QSOX1: variants seen among roughly 807,000 people sequenced by gnomAD.
QSOX1 encodes sulfhydryl oxidase 1.
A neutral mutation model predicts 76.1 loss-of-function variants in QSOX1; 40 were observed. That is an observed-to-expected ratio of 0.53 (90% CI 0.41 to 0.68). The LOEUF is 0.68. QSOX1 is among the 30% of genes least tolerant of loss of function. QSOX1 has a pLI of 0.00. For missense variants in QSOX1, 931 were observed against 974.3 expected (o/e 0.96, Z 0.59); for synonymous variants, 392 against 413.1 (o/e 0.95, Z 0.62).
intron 1 of QSOX1, among the ~76,000 whole-genome samples, chr1:180,160,410 C>G (rs77968709): frequency 6.6e-6 from 1 of 151,216 alleles, no homozygotes; most frequent in African/African-American, 2.4e-5. Context: ...GAAGTGAGAA[C>G]ACATGGGTCT....
chr1:180,175,947 G>A lies in QSOX1; in HGVS notation c.429G>A (p.Val143=), dbSNP rs769059783. The change falls in exon 4 of 12, where the codon GTG becomes GTA. Residue 143 remains valine, a synonymous_variant. Coordinates refer to ENST00000367602, the MANE Select transcript of QSOX1 (RefSeq NM_002826.5). ...GAVFPVAGAD[V]QTLRERLIDA... ...CATTTACAGTGGCTGGTGCTGACGT[G>A]CAGACACTGCGGGAGAGGCTCATTG... 9 of 1,595,438 alleles carry A rather than the reference G, an allele frequency of 5.6e-6. No homozygotes were observed. In the African/African-American group the frequency reaches 1.1e-4, roughly 19 times the overall value.
In QSOX1 at chr1:180,183,953, C is replaced by T. The variant is rs1351626580; in HGVS notation, c.790C>T (p.Gln264Ter). 6.2e-7 allele frequency: 1 copy of T among 1,613,706 alleles called. No homozygotes were observed. ...ESRSFYTAYLQRLSGLTREAA... is the reference protein window; with the variant it reads ...ESRSFYTAYL Reference sequence around the variant, plus strand: ...CAGGTCCTTCTATACCGCTTACCTGCAGAGACTCTCTGGGCTCACCAGGGA... The same window carrying T: ...CAGGTCCTTCTATACCGCTTACCTGTAGAGACTCTCTGGGCTCACCAGGGA... Residue 264 changes from glutamine (Q) to a stop codon, truncating the protein, a stop_gained, in exon 7 of 12, where the codon CAG becomes TAG. Coordinates refer to ENST00000367602, the MANE Select transcript of QSOX1 (RefSeq NM_002826.5). LOFTEE classifies it high-confidence loss of function.
Position 180,196,840 on chromosome 1 carries a change from G to T in QSOX1, c.2047G>T (p.Glu683Ter). The change falls in exon 12 of 12, where the codon GAG becomes TAG. Residue 683 changes from glutamate (E) to a stop codon, truncating the protein, a stop_gained. Transcript: ENST00000367602. LOFTEE classifies it high-confidence loss of function. This position sits in a 1 kb window ranked among gnomAD's most constrained non-coding sequence, Gnocchi z 4.1. ...CTCCAAGCAGCTGGTCGACATCCCT[G>T]AGGGCCAGCTGGAGGCCCGAGCTGG... ...RSSKQLVDIP[E>*]GQLEARAGRG... 1.2e-6 allele frequency: 2 copies of T among 1,607,708 alleles called. No homozygotes were observed. Among genetic ancestry groups the T allele is most frequent in the Non-Finnish European group, 1.7e-6 (2 of 1,175,632 alleles).
intron 5 of QSOX1, among the ~76,000 whole-genome samples, chr1:180,181,928 C>T (rs548548795): frequency 5.3e-5 from 8 of 152,334 alleles, no homozygotes; most frequent in East Asian, 1.9e-4. Flanking sequence ...GAAATTAAAG[C>T]GTGTGTGGCA....
At position 180,165,788 on chromosome 1, in the gene QSOX1, T is replaced by G. The variant is rs138401792; in HGVS notation, c.266-703T>G. On this transcript the variant is annotated intron_variant, in intron 1 of 11. Coordinates refer to ENST00000367602, the MANE Select transcript of QSOX1 (RefSeq NM_002826.5). ...AGAGCTGCCTGGTATATGAGCTTGT[T>G]TCTTCTCAGTTCCTGGGCTGTGGCC... is the stretch of plus-strand genomic sequence containing the variant. Among the ~76,000 whole-genome samples the G allele has an allele frequency of 6.0e-4, 91 of 152,366 alleles. 2 individuals carry two copies. The East Asian group carries it at 0.017, about 28-fold the overall frequency.
At chr1:180,186,026 T>C (rs1663161497) in intron 7 of QSOX1, 27 bp from the exon 8 acceptor site, 2 of 1,612,170 alleles carry the variant, frequency 1.2e-6, no homozygotes, top group Non-Finnish European at 1.7e-6. Flanking sequence ...TACTTCTTTC[T>C]CTCTCTATCT....
Position 180,196,587 on chromosome 1 carries a change from T to C in QSOX1, c.1794T>C (p.Ala598=). ...SPTNTTPHVP[A]EGPEASRPPK... ...CAAACACCACCCCACATGTGCCGGCTGAGGGACCTGAGGCAAGTCGACCCC... is the reference window on the plus strand; with the variant it reads ...CAAACACCACCCCACATGTGCCGGCCGAGGGACCTGAGGCAAGTCGACCCC... Residue 598 remains alanine (A), a synonymous_variant, in exon 12 of 12, where the codon GCT becomes GCC. Transcript: ENST00000367602. This position sits in a 1 kb window ranked among gnomAD's most constrained non-coding sequence, Gnocchi z 4.1. The C allele has an allele frequency of 6.2e-7, 1 of 1,614,152 alleles. No individual in the cohort carries two copies. Among genetic ancestry groups the C allele is most frequent in the Non-Finnish European group, 8.5e-7 (1 of 1,180,020 alleles).
chr1:180,161,240 C>A (rs918129738), intron 1 of QSOX1, among the ~76,000 whole-genome samples: 15 of 151,748 alleles, frequency 9.9e-5, no homozygotes, highest in African/African-American at 3.7e-4. Flanking sequence ...TCAGACTTGG[C>A]CTAATTATTT....
At chr1:180,190,041 G>T (rs537814681) in intron 9 of QSOX1, among the ~76,000 whole-genome samples, 1 of 152,302 alleles carries the variant, frequency 6.6e-6, no homozygotes, top group South Asian at 2.1e-4. Flanking sequence ...AGTTTGTGGT[G>T]CTGCTCAGCA....
At chr1:180,168,936 A>G (rs1662700475) in intron 2 of QSOX1, among the ~76,000 whole-genome samples, 1 of 152,204 alleles carries the variant, frequency 6.6e-6, no homozygotes, top group African/African-American at 2.4e-5. Flanking sequence ...GCGAGGGCCC[A>G]TGCGAAGCAG....
chr1:180,184,208 G>A (rs1048796463), intron 7 of QSOX1, among the ~76,000 whole-genome samples, 158 bp downstream of exon 7: 3 of 152,236 alleles, frequency 2.0e-5, no homozygotes, highest in African/African-American at 7.2e-5. Context: ...GTCTGGCCAT[G>A]CTCAGGGACC....
At chr1:180,182,073 C>A in intron 5 of QSOX1, 101 bp from the exon 6 acceptor site, 1 of 1,216,554 alleles carries the variant, frequency 8.2e-7, no homozygotes, top group Admixed American at 2.1e-5. Flanking sequence ...GGAAGGAGCA[C>A]AGCTGCCATC....
chr1:180,196,269 C>T lies in QSOX1; in HGVS notation c.1476C>T (p.Pro492=). 1 of 1,610,318 alleles carries T rather than the reference C, an allele frequency of 6.2e-7. No homozygotes were observed. Among genetic ancestry groups the T allele is most frequent in the Non-Finnish European group, 8.5e-7 (1 of 1,177,168 alleles). Residue 492 remains proline, a synonymous_variant, in exon 12 of 12, where the codon CCC becomes CCT. Transcript: ENST00000367602. The surrounding 1 kb of genome is among the most constrained non-coding windows in gnomAD (Gnocchi z 4.1). The part of the protein sequence containing the change: ...NRVNARLAGA[P]SEDPQFPKVQ... ...GTATGCTTCCCTCTGTAGGTGCCCC[C>T]AGCGAGGACCCCCAGTTCCCCAAGG...
chr1:180,165,000 C>T (rs1223759968), intron 1 of QSOX1, among the ~76,000 whole-genome samples: 1 of 152,104 alleles, frequency 6.6e-6, no homozygotes, highest in Non-Finnish European at 1.5e-5. Flanking sequence ...CACTCGTTAT[C>T]AAGGGGGCAG....
In QSOX1 at chr1:180,190,439, G is replaced by C. The variant is rs764868665; in HGVS notation, c.1147G>C (p.Val383Leu). The change falls in exon 10 of 12, where the codon GTT (valine) becomes CTT (leucine). Residue 383 changes from valine (V) to leucine (L), a missense_variant. Physicochemically the swap from Val to Leu is conservative, Grantham distance 32 (BLOSUM62 1). Transcript: ENST00000367602. ...ACACTCATGTGTCCCTCAGGGTGCC[G>C]TTCTTGCCAAGAAGGTGAACTGGAT... ...TALDDRKEGA[V>L]LAKKVNWIGC... 6.2e-7 allele frequency: 1 copy of C among 1,613,422 alleles called. No individual in the cohort carries two copies. Among genetic ancestry groups the C allele is most frequent in the African/African-American group, 1.3e-5 (1 of 74,996 alleles).
At chr1:180,180,448 G>A (rs553713867) in intron 5 of QSOX1, among the ~76,000 whole-genome samples, 160 of 152,178 alleles carry the variant, frequency 1.1e-3, no homozygotes, top group Non-Finnish European at 1.7e-3. Flanking sequence ...GACCTCAGGA[G>A]ATCCGCCCAC....
chr1:180,188,429 A>G (rs553397517), intron 8 of QSOX1, among the ~76,000 whole-genome samples: 1 of 152,318 alleles, frequency 6.6e-6, no homozygotes, highest in South Asian at 2.1e-4. Flanking sequence ...TAATTCATCC[A>G]TCCTTCTGGC....
At position 180,183,999 on chromosome 1, in the gene QSOX1, C is replaced by G. The variant is rs140969999; in HGVS notation, c.836C>G (p.Ala279Gly). The G allele has an allele frequency of 1.9e-6, 3 of 1,614,066 alleles. No homozygotes were observed. Among genetic ancestry groups the G allele is most frequent in the East Asian group, 4.5e-5 (2 of 44,880 alleles). ...LTREAAQTTV[A>G]PTTANKIAPT... Reference sequence around the variant, plus strand: ...AGGGAGGCTGCCCAGACCACAGTTGCACCAACCACTGCTAACAAGATAGCT... The same window carrying G: ...AGGGAGGCTGCCCAGACCACAGTTGGACCAACCACTGCTAACAAGATAGCT... The change falls in exon 7 of 12, where the codon GCA becomes GGA. Residue 279 changes from alanine to glycine, a missense_variant. Ala to Gly is a moderately conservative substitution (Grantham distance 60). Transcript: ENST00000367602.
At chr1:180,182,968 G>T (rs1004404154) in intron 6 of QSOX1, among the ~76,000 whole-genome samples, 1 of 152,150 alleles carries the variant, frequency 6.6e-6, no homozygotes, top group African/African-American at 2.4e-5. Context: ...CCCACACGGC[G>T]CCGGGCAGGG....
Sources: allele counts gnomAD v4.1 joint callset (sites outside exome capture counted in the v4.1 genomes callset), GRCh38; gene constraint gnomAD v4.1.1; non-coding constraint Gnocchi (gnomAD v3.1); transcripts MANE v1.5; gene names NCBI Gene and HGNC (gene_info 2026-07-23, HGNC 2026-07-21).